ROBO1: variants seen among roughly 807,000 people sequenced by gnomAD.
The protein encoded by ROBO1 is roundabout guidance receptor 1.
In ROBO1, 149 loss-of-function variants were observed where a neutral mutation model predicts 195.9. That is an observed-to-expected ratio of 0.76 (90% CI 0.67 to 0.87). ROBO1 has a LOEUF of 0.87. Among genes scored for constraint, ROBO1 ranks in the 40% least tolerant of loss-of-function variants. ROBO1 has a pLI of 0.00. For missense variants in ROBO1, 1,933 were observed against 2,068.3 expected, an observed-to-expected ratio of 0.93 and a Z score of 1.27; for synonymous variants, 816 against 733.2, an observed-to-expected ratio of 1.11 and a Z score of -1.82.
At chr3:79,470,408 C>A (rs190912106) in intron 2 of ROBO1, among the ~76,000 whole-genome samples, 1 of 151,902 alleles carries the variant, frequency 6.6e-6, no homozygotes, top group Non-Finnish European at 1.5e-5. Flanking sequence ...TGGGGCCTGT[C>A]GTGGGGCATG....
intron 4 of ROBO1, among the ~76,000 whole-genome samples, chr3:78,875,979 A>T: frequency 6.6e-6 from 1 of 152,142 alleles, no homozygotes; most frequent in East Asian, 1.9e-4. Context: ...ATCAGGGCTT[A>T]CTTAATGAAG....
At chr3:79,698,631 A>G (rs1332601247) in intron 1 of ROBO1, among the ~76,000 whole-genome samples, 1 of 151,596 alleles carries the variant, frequency 6.6e-6, no homozygotes, top group Non-Finnish European at 1.5e-5. Flanking sequence ...CATTTAGTTA[A>G]CAAAGAGGCA....
At chr3:78,815,299 G>A (rs1006262386) in intron 4 of ROBO1, among the ~76,000 whole-genome samples, 2 of 152,078 alleles carry the variant, frequency 1.3e-5, no homozygotes, top group African/African-American at 4.8e-5. Context: ...CAAAATCTAG[G>A]CTTCTTATGC....
chr3:78,639,891 G>C lies in ROBO1; in HGVS notation c.2890C>G (p.Leu964Val). The C allele has an allele frequency of 6.3e-7, 1 of 1,579,446 alleles. No individual in the cohort carries two copies. The highest frequency in any genetic ancestry group is 8.6e-7 in the Non-Finnish European group (1 of 1,162,084). Residue 964 changes from leucine (L) to valine (V), a missense_variant, in exon 22 of 31, where the codon CTT (leucine) becomes GTT (valine). Leu to Val is a conservative substitution (Grantham distance 32). This residue lies in a region of ROBO1 where 1,737 missense variants were observed against 1,882.5 expected (regional missense o/e 0.92). Coordinates refer to ENST00000464233, the MANE Select transcript of ROBO1 (RefSeq NM_002941.4). ...GCGGCAGGTTCACTGATGTTGAGAAGTCCAGGCCTAAATAAAAAAAAAATA... is the reference window on the plus strand; with the variant it reads ...GCGGCAGGTTCACTGATGTTGAGAACTCCAGGCCTAAATAAAAAAAAAATA... ...EAVSSGGRPGLLNISEPAAQP... is the reference protein window; with the variant it reads ...EAVSSGGRPGVLNISEPAAQP...
At chr3:79,246,871 T>A (rs1576870782) in intron 2 of ROBO1, among the ~76,000 whole-genome samples, 1 of 152,036 alleles carries the variant, frequency 6.6e-6, no homozygotes, top group South Asian at 2.1e-4. Context: ...AATATAAATA[T>A]TTATTGGATG....
intron 4 of ROBO1, among the ~76,000 whole-genome samples, chr3:78,904,166 T>C (rs2037756083): frequency 6.6e-6 from 1 of 151,894 alleles, no homozygotes; most frequent in Admixed American, 6.6e-5. Flanking sequence ...TACACATATA[T>C]TCAGTTTTTC....
At chr3:79,657,904 A>G (rs1293456249) in intron 1 of ROBO1, among the ~76,000 whole-genome samples, 1 of 151,970 alleles carries the variant, frequency 6.6e-6, no homozygotes, top group Admixed American at 6.6e-5. Flanking sequence ...AAGCCAGCAC[A>G]CTCTCTATGA....
intron 1 of ROBO1, among the ~76,000 whole-genome samples, chr3:79,650,539 TA>T (rs1945973043): frequency 2.0e-5 from 3 of 151,914 alleles, no homozygotes; most frequent in Admixed American, 1.3e-4. Context: ...AATTCTTAGA[TA>T]TTTTTCCAGT....
At chr3:78,693,414 G>C in intron 8 of ROBO1, 1 of 1,255,826 alleles carries the variant, frequency 8.0e-7, no homozygotes, top group Non-Finnish European at 1.1e-6. Context: ...AACATAAAAT[G>C]AAACAGAAAA....
intron 1 of ROBO1, among the ~76,000 whole-genome samples, chr3:79,640,450 G>A (rs187183572): frequency 7.5e-4 from 114 of 151,932 alleles, no homozygotes; most frequent in African/African-American, 2.5e-3. Flanking sequence ...ACCCAGTGTC[G>A]GGTATGTCTT....
chr3:78,653,307 G>A lies in ROBO1; in HGVS notation c.2615-1378C>T, dbSNP rs569984820. 2.6e-5 allele frequency among the ~76,000 whole-genome samples: 4 copies of A among 152,036 alleles called. No individual in the cohort carries two copies. The East Asian group carries it at 7.9e-4, about 30-fold the overall frequency. ...TGACTTACGGTGGCCACCTCCCTGT[G>A]GGATATGTAGATACAACTTACTTGA... On this transcript the variant is annotated intron_variant, in intron 18 of 30. Transcript: ENST00000464233.
chr3:78,880,733 C>T (rs2036129244), intron 4 of ROBO1, among the ~76,000 whole-genome samples: 1 of 152,110 alleles, frequency 6.6e-6, no homozygotes, highest in Non-Finnish European at 1.5e-5. Context: ...TCCAATAGTG[C>T]TCCATAATAG....
At position 78,766,490 on chromosome 3, in the gene ROBO1, CT is replaced by C. The variant is rs928816755; in HGVS notation, c.500-19591del. Among the ~76,000 whole-genome samples, 161 of 152,090 alleles carry C rather than the reference CT, an allele frequency of 1.1e-3. 2 individuals are homozygous for C. Among genetic ancestry groups the C allele is most frequent in the Non-Finnish European group, 1.7e-3 (119 of 68,010 alleles). On this transcript the variant is annotated intron_variant, in intron 4 of 30. Coordinates refer to ENST00000464233, the MANE Select transcript of ROBO1 (RefSeq NM_002941.4). Reference sequence around the variant, plus strand: ...TTGTATCCGGAAATTTTGCTGAATTCTTTTATCAGTTCTAGGAGCTTTCTGG... The same window carrying C: ...TTGTATCCGGAAATTTTGCTGAATTCTTTATCAGTTCTAGGAGCTTTCTGG...
chr3:78,965,149 T>C (rs1334458444), intron 3 of ROBO1, among the ~76,000 whole-genome samples: 1 of 151,982 alleles, frequency 6.6e-6, no homozygotes, highest in Admixed American at 6.5e-5. Flanking sequence ...GGACTATATG[T>C]TTCACATTAT....
At chr3:78,678,502 A>G (rs566691931) in intron 10 of ROBO1, among the ~76,000 whole-genome samples, 197 of 152,280 alleles carry the variant, frequency 1.3e-3, no homozygotes, top group African/African-American at 4.3e-3. Flanking sequence ...TATCACCACC[A>G]ATCCCACAGA....
chr3:78,938,460 T>C (rs557573250), intron 4 of ROBO1, 141 bp downstream of exon 4: 3 of 648,962 alleles, frequency 4.6e-6, no homozygotes, highest in South Asian at 4.6e-5. Flanking sequence ...ACCGAAATAG[T>C]AGATTGTATT....
At chr3:78,950,575 A>C (rs527699101) in intron 3 of ROBO1, among the ~76,000 whole-genome samples, 45 of 151,164 alleles carry the variant, frequency 3.0e-4, no homozygotes, top group African/African-American at 8.7e-4. Context: ...TGACGAGTTA[A>C]TGGGTGCAGC....
At chr3:79,014,200 T>A (rs1465515075) in intron 3 of ROBO1, among the ~76,000 whole-genome samples, 7 of 152,202 alleles carry the variant, frequency 4.6e-5, no homozygotes, top group Admixed American at 4.6e-4. Flanking sequence ...CCGGGCACAC[T>A]GGTTCATCCC....
chr3:79,204,994 G>A (rs1406414466), intron 2 of ROBO1, among the ~76,000 whole-genome samples: 2 of 151,576 alleles, frequency 1.3e-5, no homozygotes, highest in African/African-American at 4.9e-5. Context: ...TAGTTAGTTA[G>A]TTAGTTAGTT....
Sources: gnomAD v4.1 joint callset for allele counts (sites outside exome capture counted in the v4.1 genomes callset) on GRCh38, gnomAD v4.1.1 for gene constraint, gnomAD v4.1.1 regional missense constraint, MANE v1.5 for transcripts, NCBI Gene and HGNC (gene_info 2026-07-23, HGNC 2026-07-21) for gene names.